The following ADAM22 variants were observed in gnomAD, a reference collection of about 807,000 sequenced individuals.
The protein encoded by ADAM22 is disintegrin and metalloproteinase domain-containing protein 22.
ADAM22 carries 65 observed loss-of-function variants against 144.6 expected under a neutral mutation model. The ratio of observed to expected loss-of-function variants is 0.45; its 90% CI spans 0.37 to 0.55. The LOEUF (loss-of-function observed/expected upper bound fraction) is 0.55, where lower values mean the gene tolerates loss of function less well. Among genes scored for constraint, ADAM22 ranks in the 20% least tolerant of loss-of-function variants. The probability of loss-of-function intolerance (pLI) is 0.00; values close to 1 mark genes in which losing one functional copy is unlikely to be tolerated. For synonymous variants in ADAM22, 391 were observed against 412.6 expected (o/e 0.95, Z 0.63); for missense variants, 974 against 1,184.9 (o/e 0.82, Z 2.61).
Position 87,953,447 on chromosome 7 carries a change from C to T in ADAM22, c.246+18261C>T, listed in dbSNP as rs532737154. On this transcript the variant is annotated intron_variant, in intron 2 of 31. Transcript: ENST00000413139. ...GTTGTTCAGTTTCCATGTAGTTGAG[C>T]GGTTTTGAGTGAGTTTCTTAATCCT... Among the ~76,000 whole-genome samples the T allele has an allele frequency of 1.7e-3, 254 of 152,098 alleles. 3 individuals carry two copies. Among genetic ancestry groups the T allele is most frequent in the Admixed American group, 0.013 (191 of 15,280 alleles).
At chr7:88,084,232 T>C (rs1817782933) in intron 4 of ADAM22, among the ~76,000 whole-genome samples, 2 of 152,144 alleles carry the variant, frequency 1.3e-5, no homozygotes, top group African/African-American at 4.8e-5. Context: ...ATCTTAAGGC[T>C]CCTTGGGTAT....
At chr7:88,142,665 C>G (rs962144521) in intron 14 of ADAM22, among the ~76,000 whole-genome samples, 3 of 151,926 alleles carry the variant, frequency 2.0e-5, no homozygotes, top group Non-Finnish European at 4.4e-5. Context: ...GATGAAACCC[C>G]GTCTCTACTA....
At position 88,150,539 on chromosome 7, in the gene ADAM22, GA is replaced by G. The variant is rs1838035030; in HGVS notation, c.1567-439del. 3.3e-5 allele frequency among the ~76,000 whole-genome samples: 5 copies of G among 152,202 alleles called. No individual in the cohort carries two copies. In the South Asian group the frequency reaches 1.0e-3, roughly 32 times the overall value. ...TGTTTCTTCTCATGGCAAAAGAAAG[GA>G]AACTAGTTATTGCTCCATTTATGCA... On this transcript the variant is annotated intron_variant, in intron 18 of 31. Transcript: ENST00000413139.
chr7:88,061,358 G>A (rs1418957038), intron 3 of ADAM22, among the ~76,000 whole-genome samples: 1 of 152,094 alleles, frequency 6.6e-6, no homozygotes, highest in African/African-American at 2.4e-5. Context: ...TGGGGCGAAG[G>A]TTTTCAATTT....
chr7:88,108,818 A>G (rs1825238328), intron 5 of ADAM22, among the ~76,000 whole-genome samples: 1 of 152,168 alleles, frequency 6.6e-6, no homozygotes, highest in Admixed American at 6.5e-5. Context: ...GAAAAAAGAT[A>G]AGCATACTTT....
intron 25 of ADAM22, among the ~76,000 whole-genome samples, chr7:88,169,594 T>C (rs1486640008): frequency 2.6e-5 from 4 of 152,120 alleles, no homozygotes; most frequent in African/African-American, 9.6e-5. Flanking sequence ...GTGATAATAA[T>C]AAGTTCATAG....
At chr7:87,966,931 C>T (rs2129446381) in intron 2 of ADAM22, among the ~76,000 whole-genome samples, 1 of 152,000 alleles carries the variant, frequency 6.6e-6, no homozygotes, top group Non-Finnish European at 1.5e-5. Flanking sequence ...GTAATCCCAA[C>T]ATGTCATGGG....
intron 3 of ADAM22, among the ~76,000 whole-genome samples, chr7:88,024,463 T>C (rs1183697371): frequency 6.6e-6 from 1 of 152,236 alleles, no homozygotes; most frequent in African/African-American, 2.4e-5. Flanking sequence ...CTTTTTCATA[T>C]GCCTGTTTGC....
chr7:88,158,816 CA>C (rs1053240080), intron 22 of ADAM22, among the ~76,000 whole-genome samples: 3 of 151,820 alleles, frequency 2.0e-5, no homozygotes, highest in African/African-American at 7.3e-5. Flanking sequence ...AGAAAGCTCT[CA>C]AATTAACAAT....
intron 3 of ADAM22, among the ~76,000 whole-genome samples, chr7:87,981,667 A>AC (rs1473254467): frequency 2.6e-5 from 4 of 152,058 alleles, no homozygotes; most frequent in African/African-American, 9.7e-5. Context: ...CCAATTAGTT[A>AC]CCTCTTGCTT....
At chr7:87,958,446 C>T (rs577276995) in intron 2 of ADAM22, among the ~76,000 whole-genome samples, 8 of 151,460 alleles carry the variant, frequency 5.3e-5, no homozygotes, top group African/African-American at 9.7e-5. Context: ...AGTGCAATGG[C>T]GTGATCTCGG....
intron 2 of ADAM22, among the ~76,000 whole-genome samples, chr7:87,938,262 AG>A (rs1214365541): frequency 8.6e-6 from 1 of 116,232 alleles, no homozygotes; most frequent in Non-Finnish European, 1.6e-5. Context: ...TCTGTCACCC[AG>A]GCTGGAGTGC....
At chr7:88,147,044 T>C (rs901275113) in intron 17 of ADAM22, among the ~76,000 whole-genome samples, 3 of 152,212 alleles carry the variant, frequency 2.0e-5, no homozygotes, top group Non-Finnish European at 4.4e-5. Flanking sequence ...ACAAAATGCA[T>C]TTAATTACAC....
intron 3 of ADAM22, among the ~76,000 whole-genome samples, chr7:88,012,903 C>G (rs1445449295): frequency 6.6e-6 from 1 of 151,972 alleles, no homozygotes; most frequent in Non-Finnish European, 1.5e-5. Flanking sequence ...GGAGAGTAGC[C>G]GTTTGTTCTG....
chr7:88,075,501 C>A, intron 3 of ADAM22, 125 bp from the exon 4 acceptor site: 2 of 715,560 alleles, frequency 2.8e-6, no homozygotes, highest in Non-Finnish European at 2.5e-6. Context: ...AGAGAGAGAC[C>A]TATAAAGTGT....
At chr7:88,185,144 T>C (rs891902384) in intron 29 of ADAM22, among the ~76,000 whole-genome samples, 12 of 152,204 alleles carry the variant, frequency 7.9e-5, no homozygotes, top group African/African-American at 2.9e-4. Flanking sequence ...TATGCAAGTT[T>C]TAATTGGCTA....
intron 26 of ADAM22, among the ~76,000 whole-genome samples, chr7:88,175,660 ATC>A (rs1241173007): frequency 6.6e-6 from 1 of 152,206 alleles, no homozygotes; most frequent in Non-Finnish European, 1.5e-5. Context: ...TTTAGCACTA[ATC>A]AGGCCACCTA....
intron 14 of ADAM22, among the ~76,000 whole-genome samples, chr7:88,138,484 T>C (rs1833616342): frequency 6.6e-6 from 1 of 152,192 alleles, no homozygotes; most frequent in Non-Finnish European, 1.5e-5. Flanking sequence ...GACGCTATAA[T>C]TTGATTGCAC....
intron 2 of ADAM22, among the ~76,000 whole-genome samples, chr7:87,966,107 A>C (rs1056238017): frequency 6.6e-6 from 1 of 152,200 alleles, no homozygotes; most frequent in Non-Finnish European, 1.5e-5. Flanking sequence ...TGAAGATGAA[A>C]GTTTTCCTAA....
Sources: allele counts gnomAD v4.1 joint callset (sites outside exome capture counted in the v4.1 genomes callset), GRCh38; gene constraint gnomAD v4.1.1; transcripts MANE v1.5; gene names NCBI Gene and HGNC (gene_info 2026-07-23, HGNC 2026-07-21).